Variants in DNAH11 observed in about 807,000 individuals in gnomAD.
The protein encoded by DNAH11 is dynein axonemal heavy chain 11, also known as axonemal beta dynein heavy chain 11.
A neutral mutation model predicts 526.0 loss-of-function variants in DNAH11; 442 were observed. That is an observed-to-expected ratio of 0.84 (90% CI 0.78 to 0.91). The LOEUF (loss-of-function observed/expected upper bound fraction) is 0.91. Ranked by LOEUF, DNAH11 falls within the 40% of genes least tolerant of loss-of-function variation. The pLI, the probability that DNAH11 is intolerant of heterozygous loss-of-function variation, is 0.00. For synonymous variants in DNAH11, 2,461 were observed against 1,935.9 expected (o/e 1.27, Z -7.12); for missense variants, 6,989 against 5,448.7 (o/e 1.28, Z -8.90).
In DNAH11 at chr7:21,552,565, G is replaced by A. The variant is rs74443983; in HGVS notation, c.496-6237G>A. 5.1e-3 allele frequency among the ~76,000 whole-genome samples: 774 copies of A among 152,042 alleles called. 2 individuals carry two copies. Among genetic ancestry groups the A allele is most frequent in the African/African-American group, 0.018 (738 of 41,450 alleles). On this transcript the variant is annotated intron_variant, in intron 2 of 81. Transcript: ENST00000409508. ...AGCTTATGGTGGTTTCTGATACCTCGGCCCTCTTCTCCCCAGAAATTAAAA... is the reference window on the plus strand; with the variant it reads ...AGCTTATGGTGGTTTCTGATACCTCAGCCCTCTTCTCCCCAGAAATTAAAA...
At position 21,861,862 on chromosome 7, in the gene DNAH11, G is replaced by A. The variant is rs777903360; in HGVS notation, c.11212G>A (p.Val3738Met). ...LYQFSLKAFN[V>M]LFHRAIEQAD... is the part of the protein sequence containing the mutation. ...ACATTAAATTTCCCAGGCTTTTAAC[G>A]TGCTGTTCCACAGAGCGATCGAGCA... is the stretch of plus-strand genomic sequence containing the variant. Residue 3738 changes from valine to methionine, a missense_variant, in exon 69 of 82, where the codon GTG (valine) becomes ATG (methionine). By Grantham distance (21) the Val-to-Met change is conservative. Coordinates refer to ENST00000409508, the MANE Select transcript of DNAH11 (RefSeq NM_001277115.2). 13 of 1,611,226 alleles carry A rather than the reference G, an allele frequency of 8.1e-6. No homozygotes were observed. Among genetic ancestry groups the A allele is most frequent in the Admixed American group, 1.7e-5 (1 of 59,546 alleles).
At chr7:21,829,762 A>T (rs995570971) in intron 65 of DNAH11, among the ~76,000 whole-genome samples, 1 of 152,246 alleles carries the variant, frequency 6.6e-6, no homozygotes, top group African/African-American at 2.4e-5. Flanking sequence ...TTTTAGAAAT[A>T]AGAATTTCAG....
At chr7:21,646,308 T>G (rs572206153) in intron 28 of DNAH11, among the ~76,000 whole-genome samples, 4 of 152,228 alleles carry the variant, frequency 2.6e-5, no homozygotes, top group Admixed American at 1.3e-4. Context: ...TTCAACAAAA[T>G]ATATGAAAAA....
At chr7:21,552,618 T>C (rs1417825136) in intron 2 of DNAH11, among the ~76,000 whole-genome samples, 1 of 152,214 alleles carries the variant, frequency 6.6e-6, no homozygotes, top group East Asian at 1.9e-4. Flanking sequence ...AACAACTGGG[T>C]TCCCCTGGAA....
chr7:21,669,308 A>T (rs1782545089), intron 30 of DNAH11, among the ~76,000 whole-genome samples: 1 of 152,104 alleles, frequency 6.6e-6, no homozygotes, highest in African/African-American at 2.4e-5. Flanking sequence ...TGTAGCAAGG[A>T]CTAGAGGCAA....
At chr7:21,757,530 A>G (rs74617050) in intron 54 of DNAH11, among the ~76,000 whole-genome samples, 3,890 of 151,590 alleles carry the variant, frequency 0.026, 87 homozygotes, top group Middle Eastern at 0.048. Context: ...TCCTTTCTTC[A>G]GGTTCTTATA....
chr7:21,847,804 C>T (rs758621587), intron 66 of DNAH11, among the ~76,000 whole-genome samples: 1 of 152,124 alleles, frequency 6.6e-6, no homozygotes, highest in African/African-American at 2.4e-5. Context: ...TTTATTTCTC[C>T]TTGCAGTTCT....
At position 21,872,123 on chromosome 7, in the gene DNAH11, C is replaced by CAAAAAAAAAAAGA. The variant is rs1783519371; in HGVS notation, c.11968-1140_11968-1139insGAAAAAAAAAAAA. ...TGGGTGACAGAGCGAGACTCTGTCT[C>CAAAAAAAAAAAGA]AAAAAAAAAAAAAAAAAAAAAAAAA... On this transcript the variant is annotated intron_variant, in intron 73 of 81. Coordinates refer to ENST00000409508, the MANE Select transcript of DNAH11 (RefSeq NM_001277115.2). 6.5e-5 allele frequency among the ~76,000 whole-genome samples: 2 copies of CAAAAAAAAAAAGA among 30,822 alleles called. 1 individual carries two copies. Among genetic ancestry groups the CAAAAAAAAAAAGA allele is most frequent in the Non-Finnish European group, 1.1e-4 (2 of 17,974 alleles). The allele number at this position is 30,822 out of a possible 152,430, so 20.2% of individuals were successfully genotyped here. A position where few individuals can be genotyped will look rare whatever the true frequency, so the allele number is the denominator to read the frequency against.
chr7:21,607,808 G>T (rs886302422), intron 20 of DNAH11, among the ~76,000 whole-genome samples: 4 of 151,654 alleles, frequency 2.6e-5, no homozygotes, highest in African/African-American at 7.3e-5. Flanking sequence ...CATGGTGGTG[G>T]GTGCCTGTAG....
intron 42 of DNAH11, among the ~76,000 whole-genome samples, chr7:21,715,263 T>C (rs954574510): frequency 1.3e-5 from 2 of 152,174 alleles, no homozygotes; most frequent in African/African-American, 4.8e-5. Flanking sequence ...TTTTCAGAGG[T>C]CTGAGAACTT....
At chr7:21,759,554 G>A (rs1262776699) in intron 54 of DNAH11, among the ~76,000 whole-genome samples, 1 of 152,192 alleles carries the variant, frequency 6.6e-6, no homozygotes, top group Non-Finnish European at 1.5e-5. Context: ...GTTTCCTCAG[G>A]TTTAGACTTG....
At chr7:21,629,142 T>G (rs557241746) in intron 25 of DNAH11, among the ~76,000 whole-genome samples, 2 of 152,268 alleles carry the variant, frequency 1.3e-5, no homozygotes, top group African/African-American at 4.8e-5. Context: ...TTACATTTGC[T>G]TCTTAATTTC....
intron 14 of DNAH11, among the ~76,000 whole-genome samples, chr7:21,593,824 C>A (rs1250357191): frequency 6.6e-6 from 1 of 152,006 alleles, no homozygotes; most frequent in South Asian, 2.1e-4. Context: ...TATAGACCAG[C>A]ACAGTCCTTA....
intron 71 of DNAH11, 27 bp from the exon 72 acceptor site, chr7:21,867,832 A>T: frequency 6.9e-7 from 1 of 1,453,390 alleles, no homozygotes; most frequent in Non-Finnish European, 9.3e-7. Flanking sequence ...ACCACTGATC[A>T]TGTTTTTATA....
intron 65 of DNAH11, among the ~76,000 whole-genome samples, chr7:21,839,343 G>C (rs540670187): frequency 1.3e-5 from 2 of 152,050 alleles, no homozygotes; most frequent in South Asian, 2.1e-4. Flanking sequence ...GGTAGGCTGA[G>C]GGGGGCAAAT....
chr7:21,873,590 G>T (rs1783581117), intron 74 of DNAH11, 89 bp downstream of exon 74: 6 of 1,293,872 alleles, frequency 4.6e-6, no homozygotes, highest in Non-Finnish European at 6.6e-6. Flanking sequence ...GCATGTCATT[G>T]AGAGGGATGA....
At chr7:21,742,638 A>T (rs1785958139) in intron 49 of DNAH11, among the ~76,000 whole-genome samples, 4 of 152,106 alleles carry the variant, frequency 2.6e-5, no homozygotes, top group Admixed American at 2.6e-4. Flanking sequence ...ACACATCCAA[A>T]CCATTACCAT....
At chr7:21,550,830 A>T (rs1244485307) in intron 2 of DNAH11, among the ~76,000 whole-genome samples, 3 of 152,202 alleles carry the variant, frequency 2.0e-5, no homozygotes, top group Non-Finnish European at 2.9e-5. Flanking sequence ...ACCCAGCCAG[A>T]AAGGTGATTT....
At chr7:21,781,720 C>T (rs777000050) in intron 57 of DNAH11, among the ~76,000 whole-genome samples, 1 of 152,152 alleles carries the variant, frequency 6.6e-6, no homozygotes, top group Non-Finnish European at 1.5e-5. Flanking sequence ...CAGACAAGTG[C>T]ACTGTATCCA....
Sources: allele counts gnomAD v4.1 joint callset (sites outside exome capture counted in the v4.1 genomes callset), GRCh38; gene constraint gnomAD v4.1.1; transcripts MANE v1.5; gene names NCBI Gene and HGNC (gene_info 2026-07-23, HGNC 2026-07-21).